The following SNTG1 variants were observed in gnomAD, a reference collection of about 807,000 sequenced individuals.
The protein encoded by SNTG1 is syntrophin gamma 1, also known as gamma-1-syntrophin.
SNTG1 carries 39 observed loss-of-function variants against 74.7 expected under a neutral mutation model. That is an observed-to-expected ratio of 0.52 (90% confidence interval 0.40 to 0.68). The LOEUF is 0.68. SNTG1 is among the 30% of genes least tolerant of loss of function. The pLI is 0.00. For missense variants in SNTG1, 685 were observed against 609.5 expected (o/e 1.12, Z -1.30); for synonymous variants, 254 against 217.1 (o/e 1.17, Z -1.49).
At chr8:50,493,330 C>T (rs1393316685) in intron 8 of SNTG1, among the ~76,000 whole-genome samples, 1 of 152,166 alleles carries the variant, frequency 6.6e-6, no homozygotes, top group Non-Finnish European at 1.5e-5. Flanking sequence ...CCTGAATGAA[C>T]TTTTGAAGAG....
intron 9 of SNTG1, among the ~76,000 whole-genome samples, chr8:50,528,523 G>A (rs915559373): frequency 2.0e-5 from 3 of 151,734 alleles, no homozygotes; most frequent in Admixed American, 6.6e-5. Flanking sequence ...GTCATGATGT[G>A]ATATATTTTT....
intron 18 of SNTG1, chr8:50,762,833 G>T (rs2095602765): frequency 5.0e-6 from 2 of 397,486 alleles, no homozygotes; most frequent in Admixed American, 2.6e-5. Context: ...GAGCAATGAA[G>T]GTTCCTGCTC....
At chr8:50,210,967 A>G (rs2084493257) in intron 2 of SNTG1, among the ~76,000 whole-genome samples, 1 of 152,156 alleles carries the variant, frequency 6.6e-6, no homozygotes, top group Non-Finnish European at 1.5e-5. Flanking sequence ...GTAGTGCAAA[A>G]TACCCCTGCA....
intron 1 of SNTG1, among the ~76,000 whole-genome samples, chr8:50,016,779 C>A (rs1229230486): frequency 6.6e-6 from 1 of 152,010 alleles, no homozygotes; most frequent in Non-Finnish European, 1.5e-5. Flanking sequence ...GAGAAATGTC[C>A]ATTAAAATGA....
At chr8:50,063,172 T>G (rs1002947643) in intron 1 of SNTG1, among the ~76,000 whole-genome samples, 9 of 152,236 alleles carry the variant, frequency 5.9e-5, no homozygotes, top group South Asian at 2.1e-4. Flanking sequence ...ATCAGATACG[T>G]AATCTCAGAT....
At chr8:50,190,635 C>A (rs1364732071) in intron 2 of SNTG1, among the ~76,000 whole-genome samples, 1 of 152,130 alleles carries the variant, frequency 6.6e-6, no homozygotes, top group African/African-American at 2.4e-5. Flanking sequence ...CTCTCTTTCT[C>A]TTTTTTTAAG....
Position 50,155,734 on chromosome 8 carries a change from C to A in SNTG1, c.-102-16827C>A, listed in dbSNP as rs2082232602. On this transcript the variant is annotated intron_variant, in intron 1 of 18. Transcript: ENST00000642720. The stretch of plus-strand genomic sequence containing the variant: ...TAAAAGGTTTATGATAAAAACATCA[C>A]CTTTCACTCTATAGGGCCATCTGAA... Among the ~76,000 whole-genome samples, 4 of 151,936 alleles carry A rather than the reference C, an allele frequency of 2.6e-5. 1 individual carries two copies. The Middle Eastern group carries it at 0.015, about 555-fold the overall frequency.
chr8:50,639,810 C>T (rs1368212120), intron 13 of SNTG1, among the ~76,000 whole-genome samples: 3 of 152,010 alleles, frequency 2.0e-5, no homozygotes, highest in Admixed American at 6.6e-5. Context: ...GTATTTTCAA[C>T]AAATTATTCT....
At chr8:50,043,416 A>G (rs541005272) in intron 1 of SNTG1, among the ~76,000 whole-genome samples, 1 of 152,372 alleles carries the variant, frequency 6.6e-6, no homozygotes, top group Non-Finnish European at 1.5e-5. Flanking sequence ...GAACAAGATG[A>G]AAATTTTAAA....
At chr8:50,087,254 A>G (rs1250254347) in intron 1 of SNTG1, among the ~76,000 whole-genome samples, 1 of 152,122 alleles carries the variant, frequency 6.6e-6, no homozygotes, top group African/African-American at 2.4e-5. Flanking sequence ...TCTCAGTTGT[A>G]ATGTCGTCGG....
At chr8:50,473,814 C>T (rs1387284092) in intron 8 of SNTG1, among the ~76,000 whole-genome samples, 2 of 152,142 alleles carry the variant, frequency 1.3e-5, no homozygotes, top group African/African-American at 2.4e-5. Context: ...AAGCCAGTCA[C>T]AAAACAATAC....
chr8:50,140,666 T>A (rs1333956184), intron 1 of SNTG1, among the ~76,000 whole-genome samples: 3 of 152,086 alleles, frequency 2.0e-5, no homozygotes, highest in Non-Finnish European at 4.4e-5. Flanking sequence ...TAATACAAAC[T>A]CCCCCTTGGC....
At chr8:50,542,684 G>A (rs1229431045) in intron 11 of SNTG1, among the ~76,000 whole-genome samples, 1 of 152,116 alleles carries the variant, frequency 6.6e-6, no homozygotes, top group Non-Finnish European at 1.5e-5. Flanking sequence ...CTGAAGTAGT[G>A]GTTGTACTAA....
At chr8:50,475,402 C>G (rs1171270429) in intron 8 of SNTG1, among the ~76,000 whole-genome samples, 1 of 152,094 alleles carries the variant, frequency 6.6e-6, no homozygotes, top group African/African-American at 2.4e-5. Flanking sequence ...GCTCTGGAAA[C>G]TTTGGGCCTC....
At chr8:50,076,588 C>G (rs1821917233) in intron 1 of SNTG1, among the ~76,000 whole-genome samples, 1 of 150,868 alleles carries the variant, frequency 6.6e-6, no homozygotes, top group South Asian at 2.1e-4. Context: ...CCTAAATATT[C>G]CGTCGTAAAA....
intron 1 of SNTG1, among the ~76,000 whole-genome samples, chr8:49,993,398 T>G (rs1813874570): frequency 6.6e-6 from 1 of 151,918 alleles, no homozygotes; most frequent in Non-Finnish European, 1.5e-5. Context: ...TGTTGTTTTA[T>G]TTTCATTTTA....
chr8:49,930,298 A>G (rs1350641945), intron 1 of SNTG1, among the ~76,000 whole-genome samples: 1 of 152,042 alleles, frequency 6.6e-6, no homozygotes, highest in African/African-American at 2.4e-5. Context: ...TTTTACATTT[A>G]TATCAGTGAG....
At chr8:50,485,708 C>A (rs1345681548) in intron 8 of SNTG1, among the ~76,000 whole-genome samples, 9 of 151,042 alleles carry the variant, frequency 6.0e-5, no homozygotes, top group Non-Finnish European at 1.3e-4. Flanking sequence ...GCTTTTGTTG[C>A]CATTGCTTTT....
chr8:50,023,133 C>A (rs1474842244), intron 1 of SNTG1, among the ~76,000 whole-genome samples: 1 of 152,126 alleles, frequency 6.6e-6, no homozygotes, highest in Non-Finnish European at 1.5e-5. Flanking sequence ...CTTTCAGGCT[C>A]TGGAAGAACA....
Sources: allele counts gnomAD v4.1 joint callset (sites outside exome capture counted in the v4.1 genomes callset), GRCh38; gene constraint gnomAD v4.1.1; transcripts MANE v1.5; gene names NCBI Gene and HGNC (gene_info 2026-07-23, HGNC 2026-07-21).